The following MYO1H variants were observed in gnomAD, a reference collection of about 807,000 sequenced individuals.
MYO1H encodes unconventional myosin-Ih.
A neutral mutation model predicts 149.3 loss-of-function variants in MYO1H; 118 were observed. The ratio of observed to expected loss-of-function variants is 0.79; its 90% CI spans 0.68 to 0.92. The LOEUF is 0.92. Among genes scored for constraint, MYO1H ranks in the 40% least tolerant of loss-of-function variants. MYO1H has a pLI of 0.00. For synonymous variants in MYO1H, 447 were observed against 465.2 expected (o/e 0.96, Z 0.50); for missense variants, 1,212 against 1,280.7 (o/e 0.95, Z 0.82).
intron 1 of MYO1H, among the ~76,000 whole-genome samples, chr12:109,350,746 T>G (rs1868446105): frequency 6.6e-6 from 1 of 152,244 alleles, no homozygotes; most frequent in East Asian, 1.9e-4. Flanking sequence ...AAATATGTTT[T>G]CCTGACTTTA....
chr12:109,346,681 GA>G (rs1274892642), upstream of MYO1H, among the ~76,000 whole-genome samples: 1 of 152,102 alleles, frequency 6.6e-6, no homozygotes, highest in African/African-American at 2.4e-5. Context: ...AGAATCACTT[GA>G]ACCTGGGGGG....
upstream of MYO1H, among the ~76,000 whole-genome samples, chr12:109,346,774 A>C (rs2048103926): frequency 6.6e-6 from 1 of 152,102 alleles, no homozygotes; most frequent in Non-Finnish European, 1.5e-5. Context: ...GAAAAAAATA[A>C]ATTATATTTA....
In MYO1H at chr12:109,443,030, G is replaced by A. The variant is rs71442733; in HGVS notation, c.2689-484G>A. ...AAAAAATATATATATATATATATAT[G>A]TGTGTGTGTGTGTGTGTATATATGT... On this transcript the variant is annotated intron_variant, in intron 27 of 31. Transcript: ENST00000310903. 3.5e-3 allele frequency among the ~76,000 whole-genome samples: 211 copies of A among 60,500 alleles called. 23 individuals are homozygous for A. Among genetic ancestry groups the A allele is most frequent in the African/African-American group, 9.5e-3 (126 of 13,332 alleles). The allele number at this position is 60,500 out of a possible 152,430, so 39.7% of individuals were successfully genotyped here. A position where few individuals can be genotyped will look rare whatever the true frequency, so the allele number is the denominator to read the frequency against.
chr12:109,407,706 A>ATT (rs200288707), intron 9 of MYO1H, 88 bp from the exon 10 acceptor site: 178 of 1,256,216 alleles, frequency 1.4e-4, no homozygotes, highest in Middle Eastern at 4.3e-4. Context: ...TCATTATTTT[A>ATT]TTTTTTTTTT....
chr12:109,334,627 C>T, the MYO1H span, among the ~76,000 whole-genome samples: 1 of 152,174 alleles, frequency 6.6e-6, no homozygotes, highest in African/African-American at 2.4e-5. Context: ...TCCTTTTTAG[C>T]AGGGTATTTT....
intron 1 of MYO1H, among the ~76,000 whole-genome samples, chr12:109,365,778 G>C (rs1278713878): frequency 6.6e-6 from 1 of 152,202 alleles, no homozygotes; most frequent in Non-Finnish European, 1.5e-5. Context: ...GGGAGGCCTA[G>C]ATGCTTCTGT....
In MYO1H at chr12:109,401,221, G is replaced by A. The variant is rs1416251799; in HGVS notation, c.699G>A (p.Leu233=). The change falls in exon 6 of 32, where the codon CTG becomes CTA. Residue 233 remains leucine (L), a synonymous_variant. Transcript: ENST00000310903. The stretch of plus-strand genomic sequence containing the variant: ...TGGCAGGTGGCGAAGAGGAGCGCCT[G>A]TCTTACCTGGGACTCGAGCGAGACC... The A allele has an allele frequency of 1.9e-6, 3 of 1,613,650 alleles. No homozygotes were observed. The African/African-American group carries it at 4.0e-5, about 22-fold the overall frequency.
intron 10 of MYO1H, among the ~76,000 whole-genome samples, chr12:109,408,256 C>T (rs1870487769): frequency 6.6e-6 from 1 of 152,080 alleles, no homozygotes; most frequent in African/African-American, 2.4e-5. Flanking sequence ...CTTGCAACTT[C>T]CAGCTTCTGG....
At chr12:109,365,575 G>A (rs946081084) in intron 1 of MYO1H, among the ~76,000 whole-genome samples, 15 of 152,222 alleles carry the variant, frequency 9.9e-5, no homozygotes, top group Admixed American at 8.5e-4. Flanking sequence ...CTGGAGTTCA[G>A]CTGTTGATTT....
At chr12:109,361,813 CAAAAA>C (rs35915417) in intron 1 of MYO1H, among the ~76,000 whole-genome samples, 103 of 56,864 alleles carry the variant, frequency 1.8e-3, no homozygotes, top group African/African-American at 5.8e-3. Context: ...CCTTGTCTCA[CAAAAA>C]AAAAAAAAAA....
intron 14 of MYO1H, among the ~76,000 whole-genome samples, 153 bp from the exon 15 acceptor site, chr12:109,415,373 G>T (rs920194770): frequency 6.6e-6 from 1 of 152,186 alleles, no homozygotes; most frequent in Non-Finnish European, 1.5e-5. Context: ...TACTCCAGAG[G>T]CTGAGGCAGG....
chr12:109,371,298 C>T (rs1376255007), intron 1 of MYO1H, among the ~76,000 whole-genome samples: 1 of 149,978 alleles, frequency 6.7e-6, no homozygotes, highest in African/African-American at 2.5e-5. Context: ...TCACTGCAGC[C>T]TCTACCTCCC....
chr12:109,310,478 C>T, the MYO1H span, among the ~76,000 whole-genome samples: 14 of 152,358 alleles, frequency 9.2e-5, no homozygotes, highest in African/African-American at 3.4e-4. Flanking sequence ...AGCTCGCGTA[C>T]TGCACGTGGA....
chr12:109,426,443 T>C lies in MYO1H; in HGVS notation c.1831+392T>C, dbSNP rs145301588. On this transcript the variant is annotated intron_variant, in intron 18 of 31. Transcript: ENST00000310903. ...TGGGAGGCTGAGGTGGGAGGATCAA[T>C]TGATCCCAGGAGTTCAAGGCTGCAG... Among the ~76,000 whole-genome samples the C allele has an allele frequency of 9.2e-5, 14 of 152,224 alleles. No homozygotes were observed. The East Asian group carries it at 2.7e-3, about 29-fold the overall frequency.
intron 1 of MYO1H, among the ~76,000 whole-genome samples, chr12:109,349,336 C>T (rs1868404963): frequency 1.3e-5 from 2 of 152,156 alleles, no homozygotes; most frequent in Non-Finnish European, 1.5e-5. Flanking sequence ...TTTGGTAAAA[C>T]ATTATTTGGA....
exon 29 of MYO1H, chr12:109,444,236 G>A: frequency 6.2e-7 from 1 of 1,613,908 alleles, no homozygotes; most frequent in South Asian, 1.1e-5. Flanking sequence ...CAATCTGAGT[G>A]ATGGAATCTT....
intron 1 of MYO1H, among the ~76,000 whole-genome samples, chr12:109,358,537 C>A (rs966671584): frequency 6.6e-6 from 1 of 152,146 alleles, no homozygotes; most frequent in Admixed American, 6.5e-5. Context: ...GTGTGGACTT[C>A]GTCTCCGGGA....
At chr12:109,340,510 A>G in the MYO1H span, among the ~76,000 whole-genome samples, 76,964 of 151,988 alleles carry the variant, frequency 0.51, 20,284 homozygotes, top group African/African-American at 0.63. Flanking sequence ...CAACAAAATT[A>G]TTTTCAGCAA....
intron 1 of MYO1H, among the ~76,000 whole-genome samples, chr12:109,364,290 T>G (rs1433338866): frequency 2.7e-5 from 4 of 149,348 alleles, no homozygotes; most frequent in Non-Finnish European, 5.9e-5. Context: ...AGCATACACA[T>G]ACATACATAT....
Sources: gnomAD v4.1 joint callset for allele counts (sites outside exome capture counted in the v4.1 genomes callset) on GRCh38, gnomAD v4.1.1 for gene constraint, MANE v1.5 for transcripts, NCBI Gene and HGNC (gene_info 2026-07-23, HGNC 2026-07-21) for gene names.